Variants in CATSPERZ observed in about 807,000 individuals in gnomAD.
CATSPERZ encodes catsper channel auxiliary subunit zeta.
In CATSPERZ, 21 loss-of-function variants were observed where a neutral mutation model predicts 21.7. The ratio of observed to expected loss-of-function variants is 0.97; its 90% CI spans 0.69 to 1.39. CATSPERZ has a LOEUF of 1.39. CATSPERZ is among the 40% of genes most tolerant of loss of function. The pLI, the probability that CATSPERZ is intolerant of heterozygous loss-of-function variation, is 0.00. For synonymous variants in CATSPERZ, 127 were observed against 108.7 expected, an observed-to-expected ratio of 1.17 and a Z score of -1.05; for missense variants, 234 against 259.5, an observed-to-expected ratio of 0.90 and a Z score of 0.68.
intron 2 of CATSPERZ, 137 bp downstream of exon 2, chr11:64,301,124 A>C: frequency 1.1e-6 from 1 of 905,780 alleles, no homozygotes; most frequent in East Asian, 2.7e-5. Flanking sequence ...CGCCCGCGCC[A>C]ATCTTTCGCC....
intron 2 of CATSPERZ, among the ~76,000 whole-genome samples, chr11:64,301,620 G>A (rs2034928529): frequency 6.6e-6 from 1 of 151,154 alleles, no homozygotes; most frequent in African/African-American, 2.4e-5. Context: ...GTGATCCGCC[G>A]GCCTCGGCCT....
intron 2 of CATSPERZ, among the ~76,000 whole-genome samples, chr11:64,301,847 A>AT (rs1377190509): frequency 6.6e-6 from 1 of 151,590 alleles, no homozygotes; most frequent in South Asian, 2.1e-4. Context: ...CTAATTTTTT[A>AT]TTTTTTGTAG....
rs1415761142 is a variant in CATSPERZ at position 64,304,687 on chromosome 11, C to G, written c.*41C>G. 6.6e-7 allele frequency: 1 copy of G among 1,521,242 alleles called. No individual in the cohort carries two copies. Among genetic ancestry groups the G allele is most frequent in the African/African-American group, 1.4e-5 (1 of 72,378 alleles). 94.2% of individuals were successfully genotyped at this position (1,521,242 alleles called of 1,614,324 possible). A position where few individuals can be genotyped will look rare whatever the true frequency, so the allele number is the denominator to read the frequency against. On this transcript the variant is annotated 3_prime_UTR_variant, in exon 5 of 5. Transcript: ENST00000328404. ...CTCGAGCAGCGACCCGAACCAGCCC[C>G]GTGCCAGCCCGGTCCCCAGACCCAA...
chr11:64,303,420 C>T (rs184277298), intron 2 of CATSPERZ, 62 bp from the exon 3 acceptor site: 2 of 1,401,622 alleles, frequency 1.4e-6, no homozygotes, highest in African/African-American at 2.8e-5. Context: ...CTACCCATCT[C>T]CTGTGCTCCA....
intron 3 of CATSPERZ, 94 bp from the exon 4 acceptor site, chr11:64,303,678 TG>T: frequency 2.5e-6 from 2 of 801,192 alleles, no homozygotes; most frequent in Admixed American, 5.1e-5. Context: ...GCAGGCTGGT[TG>T]GGGGTTTGGG....
intron 1 of CATSPERZ, 97 bp from the exon 2 acceptor site, chr11:64,300,560 G>T (rs2034904999): frequency 1.3e-6 from 2 of 1,527,458 alleles, no homozygotes; most frequent in Admixed American, 4.0e-5. Flanking sequence ...CGTTCTACGG[G>T]ATCCCCAACC....
At position 64,300,804 on chromosome 11, in the gene CATSPERZ, C is replaced by T. The variant is rs964421178; in HGVS notation, c.169C>T (p.Arg57Cys). ...CTGCGAGGGCTTCGACGAGGAGGGC[C>T]GCAACATTAGCAAGACCCGCGGGTG... ...EVCEGFDEEG[R>C]NISKTRGWHS... The change falls in exon 2 of 5, where the codon CGC (arginine) becomes TGC (cysteine). Residue 57 changes from arginine to cysteine, a missense_variant. By Grantham distance (180) the Arg-to-Cys change is radical. Transcript: ENST00000328404. The T allele has an allele frequency of 1.3e-6, 2 of 1,558,724 alleles. No homozygotes were observed. Among genetic ancestry groups the T allele is most frequent in the African/African-American group, 1.4e-5 (1 of 73,570 alleles).
In CATSPERZ at chr11:64,301,003, C is replaced by T. The variant is rs570258786; in HGVS notation, c.352+16C>T. 3.3e-6 allele frequency: 5 copies of T among 1,503,840 alleles called. No individual in the cohort carries two copies. The highest frequency in any genetic ancestry group is 4.9e-5 in the East Asian group (2 of 40,716). The allele number at this position is 1,503,840 out of a possible 1,614,324, so 93.2% of individuals were successfully genotyped here. ...ATCGAGGCCGGTCAGTGTGGCCTCGCCAGGCCGTGGGCACCCGCAGGGCAA... is the reference window on the plus strand; with the variant it reads ...ATCGAGGCCGGTCAGTGTGGCCTCGTCAGGCCGTGGGCACCCGCAGGGCAA... On this transcript the variant is annotated intron_variant, in intron 2 of 4. Transcript: ENST00000328404.
chr11:64,303,869 C>T (rs2135242135), intron 4 of CATSPERZ, 30 bp downstream of exon 4: 2 of 1,581,114 alleles, frequency 1.3e-6, no homozygotes, highest in East Asian at 2.3e-5. Flanking sequence ...CCAAGAACTC[C>T]CACGACAGAT....
intron 2 of CATSPERZ, among the ~76,000 whole-genome samples, chr11:64,301,602 G>T (rs1331438375): frequency 6.6e-6 from 1 of 152,010 alleles, no homozygotes; most frequent in Admixed American, 6.6e-5. Context: ...TCGAACTCCT[G>T]ACCTCAAGTG....
chr11:64,300,465 G>A, intron 1 of CATSPERZ, 34 bp downstream of exon 1: 1 of 1,554,022 alleles, frequency 6.4e-7, no homozygotes, highest in Non-Finnish European at 8.7e-7. Context: ...TACCCTGTCC[G>A]CTCCAACCCA....
At position 64,303,832 on chromosome 11, in the gene CATSPERZ, C is replaced by T. The variant is rs542275914; in HGVS notation, c.492C>T (p.Ala164=). 6 of 1,595,986 alleles carry T rather than the reference C, an allele frequency of 3.8e-6. No homozygotes were observed. Among genetic ancestry groups the T allele is most frequent in the African/African-American group, 1.3e-5 (1 of 74,458 alleles). The change falls in exon 4 of 5, where the codon GCC becomes GCT. Residue 164 remains alanine (A), a synonymous_variant. Coordinates refer to ENST00000328404, the MANE Select transcript of CATSPERZ (RefSeq NM_001039496.2). ...AAGCTCTGGAAATCCTCACCAAAGC[C>T]CTCCGGAGTAAGCTCCCCGCCAACC... ...ENEALEILTK[A]LRSYQLGIGR...
In CATSPERZ at chr11:64,304,525, G is replaced by A. The variant is rs773565627; in HGVS notation, c.500-18G>A. On this transcript the variant is annotated intron_variant, in intron 4 of 4. Transcript: ENST00000328404. The stretch of plus-strand genomic sequence containing the variant: ...TCGGTTGCTCACTGCCCTGAGCCGA[G>A]CTCTGCCCTCCTCCTAGGCTACCAG... The A allele has an allele frequency of 5.8e-6, 9 of 1,564,586 alleles. No individual in the cohort carries two copies. Among genetic ancestry groups the A allele is most frequent in the Admixed American group, 3.8e-5 (2 of 52,362 alleles).
intron 4 of CATSPERZ, 90 bp downstream of exon 4, chr11:64,303,929 G>A: frequency 1.5e-6 from 2 of 1,317,216 alleles, no homozygotes; most frequent in South Asian, 2.6e-5. Context: ...GTTTCAGGGT[G>A]CCTTATGTCT....
chr11:64,304,560 G>A lies in CATSPERZ; in HGVS notation c.517G>A (p.Gly173Ser), dbSNP rs371993262. ...KALRSYQLGI[G>S]RDHFLTKELQ... The stretch of plus-strand genomic sequence containing the variant: ...CCTCCTAGGCTACCAGTTAGGGATC[G>A]GCAGGGACCACTTCCTGACTAAGGA... The change falls in exon 5 of 5, where the codon GGC (glycine) becomes AGC (serine). Residue 173 changes from glycine to serine, a missense_variant. Physicochemically the swap from Gly to Ser is moderately conservative, Grantham distance 56 (BLOSUM62 0). Coordinates refer to ENST00000328404, the MANE Select transcript of CATSPERZ (RefSeq NM_001039496.2). 3 of 1,586,276 alleles carry A rather than the reference G, an allele frequency of 1.9e-6. No individual in the cohort carries two copies. The highest frequency in any genetic ancestry group is 4.6e-5 in the East Asian group (2 of 43,284).
rs781184785 is a variant in CATSPERZ, at chr11:64,300,987, G to A, written c.352G>A (p.Glu118Lys). The A allele has an allele frequency of 1.3e-6, 2 of 1,534,160 alleles. No individual in the cohort carries two copies. Among genetic ancestry groups the A allele is most frequent in the African/African-American group, 1.4e-5 (1 of 73,390 alleles). ...GGACACTGCATCCCAGATCGAGGCCGGTCAGTGTGGCCTCGCCAGGCCGTG... is the reference window on the plus strand; with the variant it reads ...GGACACTGCATCCCAGATCGAGGCCAGTCAGTGTGGCCTCGCCAGGCCGTG... The part of the protein sequence containing the change: ...EKDTASQIEA[E>K]KSSSMSSLNI... The change falls in exon 2 of 5, where the codon GAA becomes AAA. Residue 118 changes from glutamate (E) to lysine (K), a missense_variant and splice_region_variant. By Grantham distance (56) the Glu-to-Lys change is moderately conservative. Coordinates refer to ENST00000328404, the MANE Select transcript of CATSPERZ (RefSeq NM_001039496.2).
At chr11:64,301,779 A>C (rs892796955) in intron 2 of CATSPERZ, among the ~76,000 whole-genome samples, 1 of 151,388 alleles carries the variant, frequency 6.6e-6, no homozygotes, top group African/African-American at 2.4e-5. Flanking sequence ...GTATCCTCCA[A>C]CCTCAGCCAC....
chr11:64,301,198 G>T (rs2034919523), intron 2 of CATSPERZ, among the ~76,000 whole-genome samples: 1 of 152,240 alleles, frequency 6.6e-6, no homozygotes, highest in African/African-American at 2.4e-5. Flanking sequence ...CAGGCCTTTC[G>T]GTCGTGACGC....
At chr11:64,303,688 G>T in intron 3 of CATSPERZ, 85 bp from the exon 4 acceptor site, 1 of 1,508,370 alleles carries the variant, frequency 6.6e-7, no homozygotes, top group Admixed American at 2.0e-5. Context: ...TGGGGGTTTG[G>T]GGGCCACAGG....
Sources: gnomAD v4.1 joint callset for allele counts (sites outside exome capture counted in the v4.1 genomes callset) on GRCh38, gnomAD v4.1.1 for gene constraint, MANE v1.5 for transcripts, NCBI Gene and HGNC (gene_info 2026-07-23, HGNC 2026-07-21) for gene names.